The following PLA2G12A variants were observed in gnomAD, a reference collection of about 807,000 sequenced individuals.
PLA2G12A encodes group XIIA secretory phospholipase A2.
In PLA2G12A, 11 loss-of-function variants were observed where a neutral mutation model predicts 16.0. The observed-to-expected ratio is 0.69, with a 90% CI of 0.43 to 1.13. The LOEUF (loss-of-function observed/expected upper bound fraction) is 1.13, where lower values mean the gene tolerates loss of function less well. Among genes scored for constraint, PLA2G12A ranks in the 50% most tolerant of loss-of-function variants. The probability of loss-of-function intolerance (pLI) is 0.00; values close to 1 mark genes in which losing one functional copy is unlikely to be tolerated. For missense variants in PLA2G12A, 214 were observed against 237.3 expected, an observed-to-expected ratio of 0.90 and a Z score of 0.65; for synonymous variants, 77 against 93.8, an observed-to-expected ratio of 0.82 and a Z score of 1.03.
chr4:109,719,405 T>C (rs1398628013), intron 1 of PLA2G12A, among the ~76,000 whole-genome samples: 3 of 152,040 alleles, frequency 2.0e-5, no homozygotes, highest in Non-Finnish European at 4.4e-5. Context: ...TTAGGAGGGA[T>C]ACTTGATGAA....
Position 109,713,485 on chromosome 4 carries a change from A to C in PLA2G12A, c.*892T>G, listed in dbSNP as rs1730771447. On this transcript the variant is annotated 3_prime_UTR_variant, in exon 4 of 4. Coordinates refer to ENST00000243501, the MANE Select transcript of PLA2G12A (RefSeq NM_030821.5). ...GGTTACAGTCTTTAAAAAATCTACA[A>C]TAAGGAACAAGTGCTGGGAAATAAA... 1 of 152,256 alleles carries C rather than the reference A, an allele frequency of 6.6e-6. No homozygotes were observed. 9.4% of individuals were successfully genotyped at this position (152,256 alleles called of 1,614,324 possible). A position where few individuals can be genotyped will look rare whatever the true frequency, so the allele number is the denominator to read the frequency against.
Position 109,720,589 on chromosome 4 carries a change from AAAAAAAAAAAAAAAAATATATATATATAT to A in PLA2G12A, c.209-1859_209-1831del, listed in dbSNP as rs1333075925. ...TGTCTGTATTCAAAAAAAAAAAAAA[AAAAAAAAAAAAAAAAATATATATATATAT>A]ATATATATATATATATATATATATA... On this transcript the variant is annotated intron_variant, in intron 1 of 3. Transcript: ENST00000243501. 1.9e-3 allele frequency among the ~76,000 whole-genome samples: 92 copies of A among 48,002 alleles called. 7 individuals carry two copies. The highest frequency in any genetic ancestry group is 7.3e-3 in the African/African-American group (89 of 12,120). The allele number at this position is 48,002 out of a possible 152,430, so 31.5% of individuals were successfully genotyped here.
At position 109,729,796 on chromosome 4, in the gene PLA2G12A, G is replaced by T. The variant is rs775842216; in HGVS notation, c.14C>A (p.Ser5Ter). MALL[S>*]RPALTLLLLL... is the part of the protein sequence containing the mutation. The stretch of plus-strand genomic sequence containing the variant: ...GAGCAGGAGGGTGAGCGCGGGGCGC[G>T]AGAGCAGGGCCATGCGCGCAGCGCC... Residue 5 changes from serine (S) to a stop codon, truncating the protein, a stop_gained, in exon 1 of 4, where the codon TCG (serine) becomes TAG (stop). Coordinates refer to ENST00000243501, the MANE Select transcript of PLA2G12A (RefSeq NM_030821.5). LOFTEE classifies it high-confidence loss of function. 6.4e-6 allele frequency: 10 copies of T among 1,552,540 alleles called. No homozygotes were observed. The highest frequency in any genetic ancestry group is 7.8e-6 in the Non-Finnish European group (9 of 1,148,754).
chr4:109,715,007 C>T (rs1204887507), intron 3 of PLA2G12A, among the ~76,000 whole-genome samples: 1 of 152,020 alleles, frequency 6.6e-6, no homozygotes, highest in Non-Finnish European at 1.5e-5. Flanking sequence ...TATGAGGTCT[C>T]ACTATGTTGC....
chr4:109,724,421 C>A (rs1442680490), intron 1 of PLA2G12A, among the ~76,000 whole-genome samples: 3 of 148,414 alleles, frequency 2.0e-5, no homozygotes, highest in African/African-American at 7.4e-5. Flanking sequence ...CGCGCCCGGC[C>A]TTTTTTTTTT....
Position 109,712,456 on chromosome 4 carries a change from T to C in PLA2G12A, c.*1921A>G, listed in dbSNP as rs1318045584. The C allele has an allele frequency of 6.6e-6, 1 of 152,200 alleles. No homozygotes were observed. The highest frequency in any genetic ancestry group is 2.4e-5 in the African/African-American group (1 of 41,448). The allele number at this position is 152,200 out of a possible 1,614,324, so 9.4% of individuals were successfully genotyped here. A position where few individuals can be genotyped will look rare whatever the true frequency, so the allele number is the denominator to read the frequency against. On this transcript the variant is annotated 3_prime_UTR_variant, in exon 4 of 4. Coordinates refer to ENST00000243501, the MANE Select transcript of PLA2G12A (RefSeq NM_030821.5). ...CTGCTAACAAAATCCATGAATTCAT[T>C]GTAAGTGTAAAGTTACCTGGACAAA...
chr4:109,719,158 A>T (rs1224761127), intron 1 of PLA2G12A, among the ~76,000 whole-genome samples: 2 of 152,182 alleles, frequency 1.3e-5, no homozygotes, highest in African/African-American at 2.4e-5. Context: ...TTTGTTTTTT[A>T]GGGCTAAGAC....
chr4:109,724,240 C>T (rs1342637426), intron 1 of PLA2G12A, among the ~76,000 whole-genome samples: 1 of 152,184 alleles, frequency 6.6e-6, no homozygotes, highest in Non-Finnish European at 1.5e-5. Context: ...ATTCTTCTGC[C>T]TCAGCCTCCC....
chr4:109,724,886 A>T (rs996313149), intron 1 of PLA2G12A, among the ~76,000 whole-genome samples: 1 of 152,172 alleles, frequency 6.6e-6, no homozygotes, highest in Non-Finnish European at 1.5e-5. Flanking sequence ...CTGGATAATA[A>T]CACCATGAAA....
chr4:109,719,672 A>T (rs928338642), intron 1 of PLA2G12A, among the ~76,000 whole-genome samples: 11 of 152,120 alleles, frequency 7.2e-5, no homozygotes, highest in Admixed American at 3.9e-4. Context: ...AGTCACATAA[A>T]TTTTTTTGGT....
rs67674001 is a variant in PLA2G12A at position 109,711,053 on chromosome 4, C to CTTTTTTTTTTTTTTTTTTTTTTTTT, written c.*3323_*3324insAAAAAAAAAAAAAAAAAAAAAAAAA. On this transcript the variant is annotated 3_prime_UTR_variant, in exon 4 of 4. Transcript: ENST00000243501. The stretch of plus-strand genomic sequence containing the variant: ...AGAGCTGCTGACAGTTAGTTCTTGC[C>CTTTTTTTTTTTTTTTTTTTTTTTTT]TTTTTTTTTTTTTTTTTTTTTTTGC... 7.0e-5 allele frequency: 4 copies of CTTTTTTTTTTTTTTTTTTTTTTTTT among 57,238 alleles called. No homozygotes were observed. Among genetic ancestry groups the CTTTTTTTTTTTTTTTTTTTTTTTTT allele is most frequent in the Admixed American group, 2.0e-4 (1 of 5,042 alleles). The allele number at this position is 57,238 out of a possible 1,614,324, so 3.5% of individuals were successfully genotyped here.
intron 1 of PLA2G12A, among the ~76,000 whole-genome samples, chr4:109,721,953 T>C (rs984934379): frequency 1.3e-4 from 20 of 152,192 alleles, no homozygotes; most frequent in Non-Finnish European, 2.6e-4. Flanking sequence ...CAAGCCACAA[T>C]GGATTATTGC....
At position 109,711,839 on chromosome 4, in the gene PLA2G12A, C is replaced by A. The variant is rs894361888; in HGVS notation, c.*2538G>T. On this transcript the variant is annotated 3_prime_UTR_variant, in exon 4 of 4. Coordinates refer to ENST00000243501, the MANE Select transcript of PLA2G12A (RefSeq NM_030821.5). ...CTTAACCAAGTGTCCAAAGTTAATA[C>A]ACCATCAAGCTGATAGCATGTAACT... The A allele has an allele frequency of 1.3e-5, 2 of 152,148 alleles. No individual in the cohort carries two copies. Among genetic ancestry groups the A allele is most frequent in the Non-Finnish European group, 2.9e-5 (2 of 68,020 alleles). The allele number at this position is 152,148 out of a possible 1,614,324, so 9.4% of individuals were successfully genotyped here.
chr4:109,726,903 A>G (rs1579127290), intron 1 of PLA2G12A, among the ~76,000 whole-genome samples: 1 of 150,178 alleles, frequency 6.7e-6, no homozygotes, highest in Non-Finnish European at 1.5e-5. Context: ...CCTTTATTTG[A>G]CCAACCTCTC....
Position 109,714,418 on chromosome 4 carries a change from C to G in PLA2G12A, c.529G>C (p.Ala177Pro). The change falls in exon 4 of 4, where the codon GCC (alanine) becomes CCC (proline). Residue 177 changes from alanine to proline, a missense_variant. By Grantham distance (27) the Ala-to-Pro change is conservative. Transcript: ENST00000243501. ...TCTTCATAATGACACCTGCATGCGGCTCGTTGGCTGTCCAGATATGGTTTA... is the reference window on the plus strand; with the variant it reads ...TCTTCATAATGACACCTGCATGCGGGTCGTTGGCTGTCCAGATATGGTTTA... ...GCKPYLDSQRAACRCHYEEKT... is the reference protein window; with the variant it reads ...GCKPYLDSQRPACRCHYEEKT... 1 of 1,614,088 alleles carries G rather than the reference C, an allele frequency of 6.2e-7. No individual in the cohort carries two copies. The highest frequency in any genetic ancestry group is 1.1e-5 in the South Asian group (1 of 91,080).
chr4:109,719,594 G>A (rs1191828963), intron 1 of PLA2G12A, among the ~76,000 whole-genome samples: 4 of 152,014 alleles, frequency 2.6e-5, no homozygotes, highest in Non-Finnish European at 5.9e-5. Context: ...TTTAATACAG[G>A]TTTACCTCAG....
intron 1 of PLA2G12A, among the ~76,000 whole-genome samples, chr4:109,719,450 A>C (rs1730881033): frequency 6.6e-6 from 1 of 152,158 alleles, no homozygotes; most frequent in African/African-American, 2.4e-5. Flanking sequence ...GTTCTAATGA[A>C]GTACTTCTAA....
At position 109,714,437 on chromosome 4, in the gene PLA2G12A, T is replaced by C. The variant is rs750215382; in HGVS notation, c.510A>G (p.Pro170=). 5.6e-6 allele frequency: 9 copies of C among 1,614,048 alleles called. No individual in the cohort carries two copies. In the South Asian group the frequency reaches 6.6e-5, roughly 12 times the overall value. Residue 170 remains proline (P), a synonymous_variant, in exon 4 of 4, where the codon CCA becomes CCG. Coordinates refer to ENST00000243501, the MANE Select transcript of PLA2G12A (RefSeq NM_030821.5). ...FDSVIHLGCK[P]YLDSQRAACR... ...ATGCGGCTCGTTGGCTGTCCAGATA[T>C]GGTTTACAACCTAAATGTATAACAC...
chr4:109,721,612 G>T (rs970052619), intron 1 of PLA2G12A, among the ~76,000 whole-genome samples: 1 of 152,116 alleles, frequency 6.6e-6, no homozygotes, highest in Admixed American at 6.6e-5. Flanking sequence ...GAGCCACCAT[G>T]CCCGGCCCAG....
Sources: gnomAD v4.1 joint callset for allele counts (sites outside exome capture counted in the v4.1 genomes callset) on GRCh38, gnomAD v4.1.1 for gene constraint, MANE v1.5 for transcripts, NCBI Gene and HGNC (gene_info 2026-07-23, HGNC 2026-07-21) for gene names.